Variants in PINX1 observed in about 807,000 individuals in gnomAD.
PINX1 encodes PIN2/TERF1-interacting telomerase inhibitor 1.
PINX1 carries 34 observed loss-of-function variants against 25.4 expected under a neutral mutation model. That is an observed-to-expected ratio of 1.34 (90% CI 1.02 to 1.78). PINX1 has a LOEUF of 1.78. Ranked by LOEUF, PINX1 falls within the 40% of genes most tolerant of loss-of-function variation. PINX1 has a pLI of 0.00. For missense variants in PINX1, 592 were observed against 404.9 expected (o/e 1.46, Z -3.97); for synonymous variants, 197 against 147.7 (o/e 1.33, Z -2.42).
chr8:10,825,333 C>T (rs772284565), intron 5 of PINX1: 3 of 534,670 alleles, frequency 5.6e-6, no homozygotes, highest in Admixed American at 1.9e-5. Flanking sequence ...AGAAACACAT[C>T]CAACCTCCCA....
chr8:10,793,409 G>T lies in PINX1; in HGVS notation c.471+26784C>A, dbSNP rs1801985110. Reference sequence around the variant, plus strand: ...GCTGGAAGAAGAAGAATTGTCTTGGGCCATCCATAAAATGCACTAACACTA... The same window carrying T: ...GCTGGAAGAAGAAGAATTGTCTTGGTCCATCCATAAAATGCACTAACACTA... On this transcript the variant is annotated intron_variant, in intron 6 of 6. Coordinates refer to ENST00000314787, the MANE Select transcript of PINX1 (RefSeq NM_017884.6). Among the ~76,000 whole-genome samples, 3 of 152,124 alleles carry T rather than the reference G, an allele frequency of 2.0e-5. No individual in the cohort carries two copies. In the South Asian group the frequency reaches 6.2e-4, roughly 32 times the overall value.
intron 6 of PINX1, among the ~76,000 whole-genome samples, chr8:10,818,727 A>C (rs1205915487): frequency 6.6e-6 from 1 of 152,080 alleles, no homozygotes; most frequent in African/African-American, 2.4e-5. Flanking sequence ...GAGTTGATAC[A>C]AAGGCTCAGG....
intron 6 of PINX1, among the ~76,000 whole-genome samples, chr8:10,773,209 A>G (rs917705908): frequency 6.6e-6 from 1 of 152,198 alleles, no homozygotes; most frequent in Non-Finnish European, 1.5e-5. Flanking sequence ...GTGCACACAC[A>G]CAATATACCT....
At chr8:10,777,733 T>C (rs1040058069) in intron 6 of PINX1, among the ~76,000 whole-genome samples, 4 of 152,220 alleles carry the variant, frequency 2.6e-5, no homozygotes, top group African/African-American at 9.6e-5. Flanking sequence ...AGAGATGTTT[T>C]TATAAGGACT....
chr8:10,771,862 T>C (rs531620946), intron 6 of PINX1, among the ~76,000 whole-genome samples: 3 of 152,324 alleles, frequency 2.0e-5, no homozygotes, highest in Admixed American at 1.3e-4. Context: ...GCAAACTGCT[T>C]CTCTAACTAC....
chr8:10,814,561 G>A (rs962149801), intron 6 of PINX1, among the ~76,000 whole-genome samples: 4 of 152,230 alleles, frequency 2.6e-5, no homozygotes, highest in African/African-American at 7.2e-5. Context: ...AAAATGGTGT[G>A]AGCAAACATT....
chr8:10,839,020 C>T (rs1798488653), intron 1 of PINX1, among the ~76,000 whole-genome samples: 1 of 152,174 alleles, frequency 6.6e-6, no homozygotes, highest in Non-Finnish European at 1.5e-5. Flanking sequence ...ACTCGCCAAG[C>T]AGGACCCGCT....
intron 1 of PINX1, among the ~76,000 whole-genome samples, chr8:10,836,733 G>A (rs1268962453): frequency 6.6e-6 from 1 of 152,096 alleles, no homozygotes; most frequent in Non-Finnish European, 1.5e-5. Context: ...AGTAACACTG[G>A]GTTAAACTAA....
At chr8:10,794,023 C>G (rs1011929825) in intron 6 of PINX1, among the ~76,000 whole-genome samples, 1 of 152,170 alleles carries the variant, frequency 6.6e-6, no homozygotes, top group Non-Finnish European at 1.5e-5. Context: ...ATTCAAAGAT[C>G]AGGAATGTTT....
At chr8:10,798,749 T>G (rs996794183) in intron 6 of PINX1, among the ~76,000 whole-genome samples, 2 of 152,224 alleles carry the variant, frequency 1.3e-5, no homozygotes, top group African/African-American at 4.8e-5. Flanking sequence ...TCTAATGGCC[T>G]GGTCACTGTT....
intron 6 of PINX1, among the ~76,000 whole-genome samples, chr8:10,817,609 G>C (rs757663752): frequency 1.3e-5 from 2 of 152,220 alleles, no homozygotes; most frequent in Non-Finnish European, 2.9e-5. Context: ...CTGCACACAT[G>C]CAGGCATGTC....
chr8:10,798,750 G>A (rs1802168973), intron 6 of PINX1, among the ~76,000 whole-genome samples: 1 of 152,134 alleles, frequency 6.6e-6, no homozygotes, highest in Non-Finnish European at 1.5e-5. Context: ...CTAATGGCCT[G>A]GTCACTGTTT....
At chr8:10,800,719 C>G (rs1052531823) in intron 6 of PINX1, among the ~76,000 whole-genome samples, 3 of 152,180 alleles carry the variant, frequency 2.0e-5, no homozygotes, top group African/African-American at 7.2e-5. Context: ...ATCTGCCTGC[C>G]TCCGCCTCCC....
chr8:10,801,085 A>C (rs1374841524), intron 6 of PINX1, among the ~76,000 whole-genome samples: 1 of 152,196 alleles, frequency 6.6e-6, no homozygotes, highest in Admixed American at 6.5e-5. Flanking sequence ...GATAAAGAGG[A>C]ATATATTTTA....
chr8:10,839,733 C>G lies in PINX1; in HGVS notation c.19+5G>C, dbSNP rs1798512998. 2 of 1,604,340 alleles carry G rather than the reference C, an allele frequency of 1.2e-6. No homozygotes were observed. The highest frequency in any genetic ancestry group is 1.1e-5 in the South Asian group (1 of 89,000). On this transcript the variant is annotated splice_donor_5th_base_variant and intron_variant, in intron 1 of 6. Transcript: ENST00000314787. ...CTGGGTCGGGCCTCCGCTTCCGACA[C>G]TCACGTTCAGCCAGCATAGACATGT...
At chr8:10,769,634 T>C (rs1801163869) in intron 6 of PINX1, among the ~76,000 whole-genome samples, 1 of 152,208 alleles carries the variant, frequency 6.6e-6, no homozygotes, top group South Asian at 2.1e-4. Context: ...TCAAGTGGCA[T>C]CTCAGCCAAC....
chr8:10,818,830 A>T (rs1797779321), intron 6 of PINX1, among the ~76,000 whole-genome samples: 1 of 152,308 alleles, frequency 6.6e-6, no homozygotes, highest in East Asian at 1.9e-4. Flanking sequence ...TCCTGAGGAC[A>T]CGGAGACGAC....
At chr8:10,829,417 A>G (rs549601046) in intron 4 of PINX1, among the ~76,000 whole-genome samples, 3 of 152,168 alleles carry the variant, frequency 2.0e-5, no homozygotes, top group African/African-American at 7.2e-5. Context: ...CACTATCAGG[A>G]GGCTTACAGT....
intron 4 of PINX1, among the ~76,000 whole-genome samples, chr8:10,830,605 A>C (rs1310878640): frequency 6.6e-6 from 1 of 152,270 alleles, no homozygotes; most frequent in Non-Finnish European, 1.5e-5. Context: ...TTCATAAACA[A>C]GAATGTTTAT....
Sources: gnomAD v4.1 joint callset for allele counts (sites outside exome capture counted in the v4.1 genomes callset) on GRCh38, gnomAD v4.1.1 for gene constraint, MANE v1.5 for transcripts, NCBI Gene and HGNC (gene_info 2026-07-23, HGNC 2026-07-21) for gene names.